Variants in CDK17 observed in about 807,000 individuals in gnomAD.
CDK17 encodes cyclin dependent kinase 17.
CDK17 carries 24 observed loss-of-function variants against 77.6 expected under a neutral mutation model. The ratio of observed to expected loss-of-function variants is 0.31; its 90% CI spans 0.22 to 0.44. The LOEUF is 0.44. Ranked by LOEUF, CDK17 falls within the 20% of genes least tolerant of loss-of-function variation. The pLI is 1.00. For synonymous variants in CDK17, 203 were observed against 210.4 expected (o/e 0.96, Z 0.30); for missense variants, 429 against 622.5 (o/e 0.69, Z 3.31).
At chr12:96,280,658 AGTAC>A in intron 16 of CDK17, 146 bp downstream of exon 16, 1 of 1,433,660 alleles carries the variant, frequency 7.0e-7, no homozygotes, top group African/African-American at 1.4e-5. Flanking sequence ...CAGAAAAGTG[AGTAC>A]GTGCAATGCT....
intron 8 of CDK17, 134 bp downstream of exon 8, chr12:96,297,493 T>C: frequency 1.3e-6 from 1 of 766,948 alleles, no homozygotes; most frequent in South Asian, 1.7e-5. Flanking sequence ...TAATAAAGTC[T>C]CTTGGGCTGT....
chr12:96,333,600 G>C (rs537611629), intron 2 of CDK17, among the ~76,000 whole-genome samples: 3 of 151,976 alleles, frequency 2.0e-5, no homozygotes, highest in Admixed American at 2.0e-4. Context: ...CTTGAACCCA[G>C]GAGGTGGAGG....
chr12:96,324,063 G>A lies in CDK17; in HGVS notation c.168C>T (p.Ser56=), dbSNP rs768095911. 1 of 1,610,696 alleles carries A rather than the reference G, an allele frequency of 6.2e-7. No homozygotes were observed. Among genetic ancestry groups the A allele is most frequent in the African/African-American group, 1.3e-5 (1 of 74,900 alleles). Residue 56 remains serine (S), a synonymous_variant, in exon 3 of 17, where the codon TCC becomes TCT. Transcript: ENST00000261211. ...AAGATCCTGTGTACTGGTGGAGGAA[G>A]GAATGCATACTGTGAGACGTTGGAG... is the stretch of plus-strand genomic sequence containing the variant. ...GRPPTSHSMH[S]FLHQYTGSFK...
At chr12:96,282,781 T>C (rs546557196) in intron 14 of CDK17, among the ~76,000 whole-genome samples, 182 bp from the exon 15 acceptor site, 5 of 152,356 alleles carry the variant, frequency 3.3e-5, no homozygotes, top group Admixed American at 1.3e-4. Context: ...GCTGCTGAGA[T>C]TGTGTAATAA....
rs1196045288 is a variant in CDK17, at chr12:96,300,365, AAAGT to A, written c.544-9_544-6del. On this transcript the variant is annotated splice_polypyrimidine_tract_variant and splice_region_variant and intron_variant, in intron 5 of 16. Coordinates refer to ENST00000261211, the MANE Select transcript of CDK17 (RefSeq NM_002595.5). Reference sequence around the variant, plus strand: ...TTTTCCAAAGCCAATTTCTGACTGAAAAGTAAACAATGAAAAATGTAGTATTTAC... The same window carrying A: ...TTTTCCAAAGCCAATTTCTGACTGAAAAACAATGAAAAATGTAGTATTTAC... 11 of 1,561,486 alleles carry A rather than the reference AAAGT, an allele frequency of 7.0e-6. No individual in the cohort carries two copies. The highest frequency in any genetic ancestry group is 9.6e-6 in the Non-Finnish European group (11 of 1,142,596).
At chr12:96,377,418 T>G (rs1025983586) in intron 1 of CDK17, among the ~76,000 whole-genome samples, 4 of 151,802 alleles carry the variant, frequency 2.6e-5, no homozygotes, top group Non-Finnish European at 5.9e-5. Flanking sequence ...CAAAGACCAA[T>G]GACCTAAGAG....
rs551897248 is a variant in CDK17 at position 96,316,132 on chromosome 12, T to C, written c.284-2678A>G. Reference sequence around the variant, plus strand: ...CACTAGCCGAAGCAGGGCGAGGCATTGCCTCACCTGGGAAGCGCAAGGGGT... The same window carrying C: ...CACTAGCCGAAGCAGGGCGAGGCATCGCCTCACCTGGGAAGCGCAAGGGGT... On this transcript the variant is annotated intron_variant, in intron 3 of 16. Transcript: ENST00000261211. 3.9e-4 allele frequency among the ~76,000 whole-genome samples: 59 copies of C among 152,236 alleles called. 1 individual carries two copies. The South Asian group carries it at 9.7e-3, about 25-fold the overall frequency.
At chr12:96,284,314 AGCCAGGCGCAGGG>A (rs1196403347) in intron 13 of CDK17, 4 of 152,186 alleles carry the variant, frequency 2.6e-5, no homozygotes, top group Non-Finnish European at 5.9e-5. Context: ...ACTAAAAATT[AGCCAGGCGCAGGG>A]GCAGGCGCCT....
chr12:96,367,723 T>A (rs1050064606), intron 1 of CDK17, among the ~76,000 whole-genome samples: 2 of 151,878 alleles, frequency 1.3e-5, no homozygotes, highest in South Asian at 4.2e-4. Context: ...CAGTAAAACT[T>A]TTATATTAAT....
At chr12:96,386,382 C>T (rs1046572820) in intron 1 of CDK17, among the ~76,000 whole-genome samples, 2 of 152,168 alleles carry the variant, frequency 1.3e-5, no homozygotes, top group African/African-American at 2.4e-5. Context: ...GACACAGAGG[C>T]ACATGCCTGC....
In CDK17 at chr12:96,400,092, G is replaced by A; in HGVS notation, c.-136C>T. The A allele has an allele frequency of 2.6e-6, 1 of 391,482 alleles. No homozygotes were observed. Among genetic ancestry groups the A allele is most frequent in the Non-Finnish European group, 4.5e-6 (1 of 221,460 alleles). 24.3% of individuals were successfully genotyped at this position (391,482 alleles called of 1,614,324 possible). ...CCGGATGCAAGTCCGGGTCTCAGCG[G>A]CCGGCAGACGTGAGGCGCTTCCGAG... On this transcript the variant is annotated 5_prime_UTR_variant, in exon 1 of 17. Coordinates refer to ENST00000261211, the MANE Select transcript of CDK17 (RefSeq NM_002595.5).
intron 14 of CDK17, among the ~76,000 whole-genome samples, chr12:96,283,230 C>G (rs544697291): frequency 6.6e-6 from 1 of 152,126 alleles, no homozygotes; most frequent in South Asian, 2.1e-4. Flanking sequence ...CTACCCTTAT[C>G]GTCCCCCCTT....
intron 1 of CDK17, among the ~76,000 whole-genome samples, chr12:96,360,702 G>GTAT (rs1953480169): frequency 6.6e-6 from 1 of 152,132 alleles, no homozygotes; most frequent in Non-Finnish European, 1.5e-5. Flanking sequence ...TGATAATGAC[G>GTAT]TATACCCAGG....
At chr12:96,300,142 ACT>A (rs926403464) in intron 6 of CDK17, among the ~76,000 whole-genome samples, 160 bp downstream of exon 6, 61 of 152,300 alleles carry the variant, frequency 4.0e-4, no homozygotes, top group African/African-American at 1.4e-3. Flanking sequence ...AGAATTGAAG[ACT>A]CTAACTCCTA....
At chr12:96,383,455 T>C (rs543872652) in intron 1 of CDK17, among the ~76,000 whole-genome samples, 1 of 139,088 alleles carries the variant, frequency 7.2e-6, no homozygotes, top group South Asian at 2.2e-4. Context: ...AAAGCCCAAA[T>C]AGCCAAAGCA....
At chr12:96,376,588 C>T (rs934649278) in intron 1 of CDK17, among the ~76,000 whole-genome samples, 1 of 152,160 alleles carries the variant, frequency 6.6e-6, no homozygotes, top group African/African-American at 2.4e-5. Flanking sequence ...ACACTAGTCT[C>T]ATCACAAGCA....
At chr12:96,305,199 C>A (rs1952562037) in intron 5 of CDK17, among the ~76,000 whole-genome samples, 1 of 152,140 alleles carries the variant, frequency 6.6e-6, no homozygotes, top group African/African-American at 2.4e-5. Context: ...TAAAGGACTA[C>A]TAAATAGCAC....
intron 1 of CDK17, among the ~76,000 whole-genome samples, chr12:96,341,379 AATGTTTTTCTAG>A (rs1953120748): frequency 6.6e-6 from 1 of 151,860 alleles, no homozygotes; most frequent in Non-Finnish European, 1.5e-5. Context: ...CTGCAAAACT[AATGTTTTTCTAG>A]ATGTCAAAAA....
intron 1 of CDK17, among the ~76,000 whole-genome samples, chr12:96,348,523 C>CAAAAAAAAAAA (rs35363324): frequency 6.0e-5 from 4 of 66,366 alleles, no homozygotes; most frequent in East Asian, 6.0e-4. Context: ...GACTCTGTCT[C>CAAAAAAAAAAA]AAAAAAAAAA....
Sources: allele counts gnomAD v4.1 joint callset (sites outside exome capture counted in the v4.1 genomes callset), GRCh38; gene constraint gnomAD v4.1.1; transcripts MANE v1.5; gene names NCBI Gene and HGNC (gene_info 2026-07-23, HGNC 2026-07-21).